Variants in TTLL10 observed in about 807,000 individuals in gnomAD.
The protein encoded by TTLL10 is inactive polyglycylase TTLL10.
A neutral mutation model predicts 69.0 loss-of-function variants in TTLL10; 61 were observed. That is an observed-to-expected ratio of 0.88 (90% CI 0.72 to 1.09). TTLL10 has a LOEUF of 1.09. Ranked by LOEUF, TTLL10 falls within the 50% of genes least tolerant of loss-of-function variation. The pLI, the probability that TTLL10 is intolerant of heterozygous loss-of-function variation, is 0.00. For missense variants in TTLL10, 962 were observed against 945.9 expected, an observed-to-expected ratio of 1.02 and a Z score of -0.22; for synonymous variants, 408 against 393.3, an observed-to-expected ratio of 1.04 and a Z score of -0.44.
intron 12 of TTLL10, among the ~76,000 whole-genome samples, chr1:1,184,452 G>A (rs961237551): frequency 3.3e-5 from 5 of 152,246 alleles, no homozygotes; most frequent in Non-Finnish European, 7.3e-5. Context: ...CAGAGGAGGG[G>A]CCCTGTGGGC....
rs750368929 is a variant in TTLL10 at position 1,180,843 on chromosome 1, G to A, written c.738G>A (p.Pro246=). ...CCATGAGCAAGGCCAGCAAGGTGCC[G>A]GGGGGGGTCCAGGCCAGGTGAGTCT... The part of the protein sequence containing the change: ...ARAMSKASKV[P]GGVQARLEKD... The change falls in exon 8 of 16, where the codon CCG becomes CCA. Residue 246 remains proline (P), a synonymous_variant. Coordinates refer to ENST00000379289, the MANE Select transcript of TTLL10 (RefSeq NM_001130045.2). 1.7e-5 allele frequency: 27 copies of A among 1,564,230 alleles called. No individual in the cohort carries two copies. Among genetic ancestry groups the A allele is most frequent in the Middle Eastern group, 1.7e-4 (1 of 5,986 alleles).
At chr1:1,195,573 G>GACCTCAGGTGATCCACCC (rs1648146426) in intron 13 of TTLL10, among the ~76,000 whole-genome samples, 1 of 138,690 alleles carries the variant, frequency 7.2e-6, no homozygotes, top group Non-Finnish European at 1.5e-5. Flanking sequence ...TCGAACTCCT[G>GACCTCAGGTGATCCACCC]ACCTCAGGTG....
chr1:1,180,299 G>A lies in TTLL10; in HGVS notation c.465G>A (p.Pro155=), dbSNP rs760211713. Residue 155 remains proline, a synonymous_variant, in exon 6 of 16, where the codon CCG becomes CCA. Coordinates refer to ENST00000379289, the MANE Select transcript of TTLL10 (RefSeq NM_001130045.2). ...GGKPSPHSTR[P]GPFFYIGGSN... Reference sequence around the variant, plus strand: ...AGCCATCGCCCCACAGCACCCGGCCGGGGCCCTTCTTCTACATTGGAGGCA... The same window carrying A: ...AGCCATCGCCCCACAGCACCCGGCCAGGGCCCTTCTTCTACATTGGAGGCA... The A allele has an allele frequency of 1.3e-5, 20 of 1,587,756 alleles. No homozygotes were observed. The highest frequency in any genetic ancestry group is 4.6e-5 in the East Asian group (2 of 43,398).
At chr1:1,179,098 G>T in intron 3 of TTLL10, 91 bp from the exon 4 acceptor site, 1 of 853,520 alleles carries the variant, frequency 1.2e-6, no homozygotes, top group Non-Finnish European at 1.8e-6. Flanking sequence ...TCCTGGGCAG[G>T]GTGGGCCTGA....
chr1:1,185,832 T>C lies in TTLL10; in HGVS notation c.1401+723T>C. 1.0e-5 allele frequency: 10 copies of C among 985,416 alleles called. No homozygotes were observed. Among genetic ancestry groups the C allele is most frequent in the Non-Finnish European group, 1.2e-5 (10 of 829,882 alleles). The allele number at this position is 985,416 out of a possible 1,614,324, so 61.0% of individuals were successfully genotyped here. A position where few individuals can be genotyped will look rare whatever the true frequency, so the allele number is the denominator to read the frequency against. On this transcript the variant is annotated intron_variant, in intron 13 of 15. Transcript: ENST00000379289. This position sits in a 1 kb window ranked among gnomAD's most constrained non-coding sequence, Gnocchi z 6.1. ...CTCCCAAACTCTCTCTTAATTGCGA[T>C]AATTCACAGAACATAAAATTCACGA... is the stretch of plus-strand genomic sequence containing the variant.
intron 13 of TTLL10, among the ~76,000 whole-genome samples, chr1:1,189,434 A>C (rs1402746367): frequency 6.6e-6 from 1 of 152,218 alleles, no homozygotes; most frequent in Non-Finnish European, 1.5e-5. Context: ...TCATATGACA[A>C]ACCCCGCTTG....
intron 13 of TTLL10, among the ~76,000 whole-genome samples, chr1:1,195,636 T>G (rs1648151941): frequency 6.7e-6 from 1 of 150,050 alleles, no homozygotes; most frequent in African/African-American, 2.5e-5. Flanking sequence ...TGAGCCACTG[T>G]GCCCGGCCCA....
In TTLL10 at chr1:1,185,169, C is replaced by G; in HGVS notation, c.1401+60C>G. 1 of 1,586,808 alleles carries G rather than the reference C, an allele frequency of 6.3e-7. No individual in the cohort carries two copies. Among genetic ancestry groups the G allele is most frequent in the Non-Finnish European group, 8.6e-7 (1 of 1,164,698 alleles). On this transcript the variant is annotated intron_variant, in intron 13 of 15. Transcript: ENST00000379289. The surrounding 1 kb of genome is among the most constrained non-coding windows in gnomAD (Gnocchi z 6.1). ...ATCCCTCGGGGCGGGGGTGTGTGGTCAGGCTGGGCACCAGGCACACAGATG... is the reference window on the plus strand; with the variant it reads ...ATCCCTCGGGGCGGGGGTGTGTGGTGAGGCTGGGCACCAGGCACACAGATG...
At chr1:1,193,526 T>C (rs568379608) in intron 13 of TTLL10, among the ~76,000 whole-genome samples, 1 of 151,530 alleles carries the variant, frequency 6.6e-6, no homozygotes, top group South Asian at 2.1e-4. Flanking sequence ...TGCAGTGGCG[T>C]GATCTCGGCT....
rs780112601 is a variant in TTLL10, at chr1:1,179,299, A to G, written c.84A>G (p.Pro28=). Residue 28 remains proline, a synonymous_variant, in exon 4 of 16, where the codon CCA becomes CCG. Coordinates refer to ENST00000379289, the MANE Select transcript of TTLL10 (RefSeq NM_001130045.2). ...CCGGCTTCAAGAGGGGCAAGAGGCC[A>G]AGGATCCAGCAGAGGCCTCGGGCTC... The part of the protein sequence containing the change: ...TRAGFKRGKR[P]RIQQRPRARV... 12 of 1,551,248 alleles carry G rather than the reference A, an allele frequency of 7.7e-6. No individual in the cohort carries two copies. Among genetic ancestry groups the G allele is most frequent in the Non-Finnish European group, 1.0e-5 (12 of 1,146,828 alleles).
Position 1,174,497 on chromosome 1 carries a change from G to T in TTLL10, c.-28+8G>T, listed in dbSNP as rs1252596150. The T allele has an allele frequency of 6.6e-6, 1 of 152,374 alleles. No homozygotes were observed. The highest frequency in any genetic ancestry group is 1.5e-5 in the Non-Finnish European group (1 of 68,034). 9.4% of individuals were successfully genotyped at this position (152,374 alleles called of 1,614,324 possible). On this transcript the variant is annotated splice_region_variant and intron_variant, in intron 3 of 15. Coordinates refer to ENST00000379289, the MANE Select transcript of TTLL10 (RefSeq NM_001130045.2). Reference sequence around the variant, plus strand: ...GTCTTTTCATCTCACCAGGTAAAACGCTTATTTTACAATTTATTGTAAGGT... The same window carrying T: ...GTCTTTTCATCTCACCAGGTAAAACTCTTATTTTACAATTTATTGTAAGGT...
At position 1,197,546 on chromosome 1, in the gene TTLL10, C is replaced by T. The variant is rs955973593; in HGVS notation, c.1721C>T (p.Pro574Leu). 5.9e-6 allele frequency: 9 copies of T among 1,524,628 alleles called. No homozygotes were observed. Among genetic ancestry groups the T allele is most frequent in the Admixed American group, 4.1e-5 (2 of 48,486 alleles). The allele number at this position is 1,524,628 out of a possible 1,614,324, so 94.4% of individuals were successfully genotyped here. A position where few individuals can be genotyped will look rare whatever the true frequency, so the allele number is the denominator to read the frequency against. The change falls in exon 16 of 16, where the codon CCG becomes CTG. Residue 574 changes from proline (P) to leucine (L), a missense_variant. Physicochemically the swap from Pro to Leu is moderately conservative, Grantham distance 98. Transcript: ENST00000379289. ...CACAACGGTGAGGCCGACCCGCGGC[C>T]GCACCTGGGGGGCTCGTGCAGCCTC... ...LLHNGEADPR[P>L]HLGGSCSLRR...
chr1:1,185,115 T>C lies in TTLL10; in HGVS notation c.1401+6T>C, dbSNP rs77026477. The C allele has an allele frequency of 2.1e-3, 3,438 of 1,612,266 alleles. 67 individuals carry two copies. In the African/African-American group the frequency reaches 0.035, roughly 16 times the overall value. On this transcript the variant is annotated splice_donor_region_variant and intron_variant, in intron 13 of 15. Coordinates refer to ENST00000379289, the MANE Select transcript of TTLL10 (RefSeq NM_001130045.2). This position sits in a 1 kb window ranked among gnomAD's most constrained non-coding sequence, Gnocchi z 6.1. ...GGGTCTTCACCACCCTCAAGGTGCG[T>C]CCACTGTGCCCTCCAGTCTGGGAGT...
At chr1:1,195,319 A>G (rs1047257355) in intron 13 of TTLL10, among the ~76,000 whole-genome samples, 1 of 151,644 alleles carries the variant, frequency 6.6e-6, no homozygotes, top group African/African-American at 2.4e-5. Flanking sequence ...CCTCAGACTA[A>G]ATAATCTCAA....
rs764804537 is a variant in TTLL10, at chr1:1,180,849, G to C, written c.744G>C (p.Gly248=). The C allele has an allele frequency of 5.1e-6, 8 of 1,573,804 alleles. No homozygotes were observed. Among genetic ancestry groups the C allele is most frequent in the Admixed American group, 1.8e-5 (1 of 55,554 alleles). Residue 248 remains glycine (G), a synonymous_variant, in exon 8 of 16, where the codon GGG becomes GGC. Transcript: ENST00000379289. Reference sequence around the variant, plus strand: ...GCAAGGCCAGCAAGGTGCCGGGGGGGGTCCAGGCCAGGTGAGTCTGCCCCT... The same window carrying C: ...GCAAGGCCAGCAAGGTGCCGGGGGGCGTCCAGGCCAGGTGAGTCTGCCCCT... ...AMSKASKVPG[G]VQARLEKDAA...
chr1:1,197,248 C>T, intron 15 of TTLL10, 62 bp downstream of exon 15: 1 of 1,459,568 alleles, frequency 6.9e-7, no homozygotes, highest in Non-Finnish European at 9.4e-7. Flanking sequence ...TGCCTACCTG[C>T]CCTCTTCCCA....
At chr1:1,197,398 C>T (rs767409463) in intron 15 of TTLL10, 40 bp from the exon 16 acceptor site, 2 of 1,410,274 alleles carry the variant, frequency 1.4e-6, no homozygotes, top group East Asian at 5.0e-5. Context: ...CAGCCCCAGC[C>T]TCTGCCCCCC....
chr1:1,180,345 GTAGC>G lies in TTLL10; in HGVS notation c.506+6_506+9del. The G allele has an allele frequency of 6.4e-7, 1 of 1,560,582 alleles. No homozygotes were observed. Among genetic ancestry groups the G allele is most frequent in the East Asian group, 2.4e-5 (1 of 41,992 alleles). On this transcript the variant is annotated splice_donor_region_variant and intron_variant, in intron 6 of 15. Transcript: ENST00000379289. ...AGGCAGCAACGGGGCCACAATGTGA[GTAGC>G]GGCCCTGGGCGCCCGTGGTCCCACT...
Position 1,180,164 on chromosome 1 carries a change from A to AC in TTLL10, c.333dup (p.Gly112ArgfsTer16), listed in dbSNP as rs568320285. ...AGGGGGCAGAAAGAGCCTCTGCCAC[A>AC]CCCGGACCCCCTGGGCTCCTGAACA... On this transcript the variant is annotated frameshift_variant, in exon 6 of 16. Transcript: ENST00000379289. LOFTEE classifies it high-confidence loss of function. The AC allele has an allele frequency of 6.8e-5, 109 of 1,611,150 alleles. No homozygotes were observed. The African/African-American group carries it at 1.1e-3, about 17-fold the overall frequency.
Sources: gnomAD v4.1 joint callset for allele counts (sites outside exome capture counted in the v4.1 genomes callset) on GRCh38, gnomAD v4.1.1 for gene constraint, Gnocchi (gnomAD v3.1) non-coding constraint, MANE v1.5 for transcripts, NCBI Gene and HGNC (gene_info 2026-07-23, HGNC 2026-07-21) for gene names.